The following BEND7 variants were observed in gnomAD, a reference collection of about 807,000 sequenced individuals.
BEND7 encodes the protein BEN domain containing 7.
Under a neutral mutation model 50.9 loss-of-function variants are expected in BEND7, and 28 were observed. That is an observed-to-expected ratio of 0.55 (90% CI 0.41 to 0.75). BEND7 has a LOEUF of 0.75. Ranked by LOEUF, BEND7 falls within the 30% of genes least tolerant of loss-of-function variation. BEND7 has a pLI of 0.00. For synonymous variants in BEND7, 170 were observed against 183.9 expected, an observed-to-expected ratio of 0.92 and a Z score of 0.61; for missense variants, 477 against 491.3, an observed-to-expected ratio of 0.97 and a Z score of 0.28.
At chr10:13,450,011 C>A (rs1348787768) in intron 7 of BEND7, among the ~76,000 whole-genome samples, 1 of 152,118 alleles carries the variant, frequency 6.6e-6, no homozygotes. Context: ...ACTCTGAGAT[C>A]TAACACGATA....
chr10:13,526,334 A>G, intron 1 of BEND7, 113 bp from the exon 2 acceptor site: 1 of 303,418 alleles, frequency 3.3e-6, no homozygotes, highest in Non-Finnish European at 5.7e-6. Flanking sequence ...ATTTATAAAT[A>G]AACTTTTTGA....
chr10:13,504,942 T>C (rs1342666389), intron 2 of BEND7, among the ~76,000 whole-genome samples: 2 of 152,146 alleles, frequency 1.3e-5, no homozygotes, highest in African/African-American at 4.8e-5. Flanking sequence ...ATCTGATACA[T>C]GTGAGGGCAA....
intron 2 of BEND7, among the ~76,000 whole-genome samples, chr10:13,519,765 G>A (rs1256497480): frequency 6.6e-6 from 1 of 152,162 alleles, no homozygotes. Flanking sequence ...AAACTGAGGC[G>A]GCTTACAGGC....
intron 2 of BEND7, among the ~76,000 whole-genome samples, chr10:13,501,376 AAAAAAAAAAAAAAAAAAAAG>A (rs2077448500): frequency 9.2e-4 from 1 of 1,084 alleles, no homozygotes; most frequent in East Asian, 0.024. Flanking sequence ...CTCCATCTCA[AAAAAAAAAAAAAAAAAAAAG>A]AAAAAGAAAA....
At chr10:13,446,938 T>G in intron 8 of BEND7, 2 of 332,922 alleles carry the variant, frequency 6.0e-6, no homozygotes, top group Non-Finnish European at 1.1e-5. Flanking sequence ...GTGGTCCCCG[T>G]TTTAAGGTGA....
chr10:13,442,309 G>A (rs1374031315), intron 8 of BEND7: 1 of 152,482 alleles, frequency 6.6e-6, no homozygotes, highest in African/African-American at 2.4e-5. Context: ...CCCGGGTTTG[G>A]TGATGTGTAG....
At chr10:13,491,594 C>T (rs901315035) in intron 5 of BEND7, among the ~76,000 whole-genome samples, 6 of 151,274 alleles carry the variant, frequency 4.0e-5, no homozygotes, top group African/African-American at 1.2e-4. Context: ...CCTTTAACAC[C>T]GAGAATTAGG....
rs774781537 is a variant in BEND7, at chr10:13,447,320, C to T, written c.1184-4G>A. 22 of 1,614,070 alleles carry T rather than the reference C, an allele frequency of 1.4e-5. No individual in the cohort carries two copies. The highest frequency in any genetic ancestry group is 1.9e-5 in the Non-Finnish European group (22 of 1,179,972). On this transcript the variant is annotated splice_region_variant and splice_polypyrimidine_tract_variant and intron_variant, in intron 7 of 8. Coordinates refer to ENST00000466271, the MANE Select transcript of BEND7 (RefSeq NM_001369863.1). ...CTTTCATCACTGTCCGCGATCTCTG[C>T]TGGTTACAAACATAAGACACAAATC...
chr10:13,507,320 G>A (rs1243208778), intron 2 of BEND7, among the ~76,000 whole-genome samples: 3 of 152,010 alleles, frequency 2.0e-5, no homozygotes, highest in African/African-American at 7.3e-5. Context: ...CTCTCCCCGC[G>A]CCAGTCTCAA....
intron 4 of BEND7, among the ~76,000 whole-genome samples, chr10:13,493,281 A>T (rs2076798400): frequency 6.6e-6 from 1 of 152,234 alleles, no homozygotes; most frequent in African/African-American, 2.4e-5. Context: ...TCAGGATTAC[A>T]TTTGGGGTTA....
intron 5 of BEND7, among the ~76,000 whole-genome samples, chr10:13,481,490 A>C (rs933435621): frequency 1.3e-5 from 2 of 152,232 alleles, no homozygotes; most frequent in African/African-American, 4.8e-5. Context: ...GATCATAAAA[A>C]AAAAGATTGA....
At position 13,452,568 on chromosome 10, in the gene BEND7, A is replaced by G; in HGVS notation, c.1154T>C (p.Leu385Pro). The G allele has an allele frequency of 6.2e-7, 1 of 1,612,972 alleles. No individual in the cohort carries two copies. The highest frequency in any genetic ancestry group is 8.5e-7 in the Non-Finnish European group (1 of 1,179,538). ...WVQILQDQIK[L>P]ARRRLKRGSE... ...GCCTCTTTTTAACCTTCTTCTGGCC[A>G]GTTTAATTTGATCCTGTAGAATCTG... Residue 385 changes from leucine (L) to proline (P), a missense_variant, in exon 7 of 9, where the codon CTG becomes CCG. Physicochemically the swap from Leu to Pro is moderately conservative, Grantham distance 98. This residue lies in a region of BEND7 where 64 missense variants were observed against 68.5 expected (regional missense o/e 0.93). Transcript: ENST00000466271.
At chr10:13,466,483 T>C (rs1417235288) in intron 6 of BEND7, among the ~76,000 whole-genome samples, 1 of 151,856 alleles carries the variant, frequency 6.6e-6, no homozygotes, top group East Asian at 1.9e-4. Context: ...TGCTTGAGCC[T>C]GGAAGGCAGA....
At chr10:13,454,524 GC>G (rs1353891571) in intron 6 of BEND7, among the ~76,000 whole-genome samples, 1 of 152,062 alleles carries the variant, frequency 6.6e-6, no homozygotes, top group African/African-American at 2.4e-5. Flanking sequence ...GGAGGCTGAG[GC>G]AGGAGGATCT....
Position 13,480,887 on chromosome 10 carries a change from A to T in BEND7, c.1063+12T>A, listed in dbSNP as rs1229970314. ...AACGAAGAACCCACAAAATGAAATG[A>T]TGCAGACCAACCTTTTATTGCACCC... On this transcript the variant is annotated intron_variant, in intron 6 of 8. Transcript: ENST00000466271. 1 of 1,613,910 alleles carries T rather than the reference A, an allele frequency of 6.2e-7. No homozygotes were observed. Among genetic ancestry groups the T allele is most frequent in the African/African-American group, 1.3e-5 (1 of 74,906 alleles).
Position 13,492,853 on chromosome 10 carries a change from GTT to G in BEND7, c.593_594del (p.Gln198ProfsTer19). 5.6e-6 allele frequency: 9 copies of G among 1,600,098 alleles called. No homozygotes were observed. Among genetic ancestry groups the G allele is most frequent in the Middle Eastern group, 1.7e-4 (1 of 6,018 alleles). On this transcript the variant is annotated frameshift_variant, in exon 5 of 9. Transcript: ENST00000466271. LOFTEE classifies it high-confidence loss of function. ...IQAVGTQNRQ[Q>X]PPISLICSQR... ...TGGGAGCATATAAGGGAAATTGGAG[GTT>G]GTTGTCTGTTTTGAGTTCCAACTGC...
upstream of BEND7, among the ~76,000 whole-genome samples, chr10:13,529,623 G>A (rs1030600577): frequency 2.0e-5 from 3 of 152,182 alleles, no homozygotes; most frequent in Non-Finnish European, 2.9e-5. Flanking sequence ...GTCAAGGCAG[G>A]TGCAGGGCAC....
At chr10:13,464,073 G>T (rs1002101860) in intron 6 of BEND7, among the ~76,000 whole-genome samples, 1 of 152,216 alleles carries the variant, frequency 6.6e-6, no homozygotes, top group African/African-American at 2.4e-5. Flanking sequence ...TACCTTGCTG[G>T]CAGATGCATC....
intron 8 of BEND7, chr10:13,443,529 T>C (rs1835673387): frequency 6.6e-6 from 1 of 152,556 alleles, no homozygotes; most frequent in Non-Finnish European, 1.5e-5. Context: ...GAGGTGTCTG[T>C]GTTTCACACT....
Sources: allele counts gnomAD v4.1 joint callset (sites outside exome capture counted in the v4.1 genomes callset), GRCh38; gene constraint gnomAD v4.1.1; regional missense constraint gnomAD v4.1.1; transcripts MANE v1.5; gene names NCBI Gene and HGNC (gene_info 2026-07-23, HGNC 2026-07-21).